CSNK1G3: variants seen among roughly 807,000 people sequenced by gnomAD.
CSNK1G3 encodes the protein casein kinase 1 gamma 3.
In CSNK1G3, 23 loss-of-function variants were observed where a neutral mutation model predicts 64.3. That is an observed-to-expected ratio of 0.36 (90% confidence interval 0.26 to 0.51). The LOEUF (loss-of-function observed/expected upper bound fraction) is 0.51. Among genes scored for constraint, CSNK1G3 ranks in the 20% least tolerant of loss-of-function variants. The pLI is 0.96. For missense variants in CSNK1G3, 357 were observed against 510.5 expected, an observed-to-expected ratio of 0.70 and a Z score of 2.90; for synonymous variants, 158 against 162.2, an observed-to-expected ratio of 0.97 and a Z score of 0.20.
intron 8 of CSNK1G3, among the ~76,000 whole-genome samples, chr5:123,589,248 A>G (rs950078292): frequency 1.3e-5 from 2 of 152,186 alleles, no homozygotes; most frequent in African/African-American, 4.8e-5. Context: ...AATATTATCA[A>G]CATAACAAAA....
chr5:123,573,443 A>G (rs780897570), exon 5 of CSNK1G3: 19 of 1,613,864 alleles, frequency 1.2e-5, no homozygotes, highest in East Asian at 2.2e-5. Flanking sequence ...ATACAATGCT[A>G]TGGTGCTGGA....
At chr5:123,513,452 A>G (rs1580803041) in intron 1 of CSNK1G3, among the ~76,000 whole-genome samples, 1 of 152,014 alleles carries the variant, frequency 6.6e-6, no homozygotes, top group East Asian at 1.9e-4. Context: ...GGAGACAGCT[A>G]CTGTTGATAC....
At chr5:123,592,966 T>G (rs1042206047) in intron 10 of CSNK1G3, among the ~76,000 whole-genome samples, 2 of 151,908 alleles carry the variant, frequency 1.3e-5, no homozygotes, top group Non-Finnish European at 2.9e-5. Flanking sequence ...TTGAATGTAC[T>G]TGGAAGAAGA....
At chr5:123,583,618 C>T (rs1790771712) in intron 6 of CSNK1G3, among the ~76,000 whole-genome samples, 1 of 152,172 alleles carries the variant, frequency 6.6e-6, no homozygotes, top group African/African-American at 2.4e-5. Context: ...CCCGCCTCAG[C>T]CTCCCAAAGT....
rs191663968 is a variant in CSNK1G3 at position 123,558,981 on chromosome 5, T to C, written c.289+1417T>C. 3.3e-3 allele frequency among the ~76,000 whole-genome samples: 500 copies of C among 152,310 alleles called. 5 individuals are homozygous for C. The highest frequency in any genetic ancestry group is 0.012 in the African/African-American group (492 of 41,572). On this transcript the variant is annotated intron_variant, in intron 4 of 12. Transcript: ENST00000345990. Reference sequence around the variant, plus strand: ...ATGAGTATGTGTAAGCTTCACTCTCTAGTTGGCCCTTCTTAAGAGATTCTG... The same window carrying C: ...ATGAGTATGTGTAAGCTTCACTCTCCAGTTGGCCCTTCTTAAGAGATTCTG...
chr5:123,565,370 T>C (rs973237852), intron 4 of CSNK1G3, among the ~76,000 whole-genome samples: 1 of 152,210 alleles, frequency 6.6e-6, no homozygotes, highest in African/African-American at 2.4e-5. Flanking sequence ...AAACTGTTGA[T>C]CTAGGAGTAT....
intron 1 of CSNK1G3, among the ~76,000 whole-genome samples, chr5:123,513,564 A>T (rs1003409270): frequency 6.6e-6 from 1 of 152,230 alleles, no homozygotes; most frequent in African/African-American, 2.4e-5. Flanking sequence ...TTAGAGAATT[A>T]AAAATGTACT....
intron 4 of CSNK1G3, among the ~76,000 whole-genome samples, chr5:123,560,919 A>T (rs1785573657): frequency 6.6e-6 from 1 of 152,150 alleles, no homozygotes; most frequent in Admixed American, 6.6e-5. Context: ...ACAGTAATGT[A>T]AATGTACTTA....
chr5:123,609,858 A>G (rs1796013572), intron 12 of CSNK1G3, among the ~76,000 whole-genome samples: 1 of 152,018 alleles, frequency 6.6e-6, no homozygotes, highest in Admixed American at 6.6e-5. Flanking sequence ...TGTGAACTTA[A>G]TGCTTTAGTC....
At chr5:123,594,388 A>G (rs770174404) in intron 10 of CSNK1G3, among the ~76,000 whole-genome samples, 4 of 152,200 alleles carry the variant, frequency 2.6e-5, no homozygotes, top group Non-Finnish European at 5.9e-5. Flanking sequence ...TGAACCAGAT[A>G]AAAGGAGATC....
intron 1 of CSNK1G3, among the ~76,000 whole-genome samples, chr5:123,519,309 C>T (rs1156956881): frequency 1.3e-5 from 2 of 152,224 alleles, no homozygotes; most frequent in Non-Finnish European, 2.9e-5. Flanking sequence ...CTGCCTCGGT[C>T]TCCCAAAGTG....
At chr5:123,550,631 T>G (rs899002717) in intron 2 of CSNK1G3, among the ~76,000 whole-genome samples, 11 of 152,224 alleles carry the variant, frequency 7.2e-5, no homozygotes, top group African/African-American at 2.7e-4. Context: ...TTGGTAAAAC[T>G]ATATTTTCAA....
chr5:123,574,911 A>G (rs1205992148), intron 5 of CSNK1G3, among the ~76,000 whole-genome samples: 6 of 152,300 alleles, frequency 3.9e-5, no homozygotes, highest in African/African-American at 1.4e-4. Flanking sequence ...TGCTCATATC[A>G]TTAATTAAGA....
At chr5:123,602,046 G>C (rs971492712) in intron 10 of CSNK1G3, among the ~76,000 whole-genome samples, 2 of 152,090 alleles carry the variant, frequency 1.3e-5, no homozygotes, top group African/African-American at 4.8e-5. Context: ...TTTTCAGAGA[G>C]AGAGAGAGAA....
At chr5:123,551,664 G>A (rs1222117681) in intron 2 of CSNK1G3, among the ~76,000 whole-genome samples, 2 of 152,058 alleles carry the variant, frequency 1.3e-5, no homozygotes, top group Admixed American at 6.6e-5. Flanking sequence ...TTTTGCTACT[G>A]TTCATCAGCT....
At chr5:123,598,597 T>C (rs1179614089) in intron 10 of CSNK1G3, among the ~76,000 whole-genome samples, 1 of 151,978 alleles carries the variant, frequency 6.6e-6, no homozygotes, top group African/African-American at 2.4e-5. Flanking sequence ...GAAGACAATA[T>C]GAATAAGGTT....
At chr5:123,556,764 TTG>T (rs5871049) in intron 3 of CSNK1G3, among the ~76,000 whole-genome samples, 33,315 of 148,526 alleles carry the variant, frequency 0.22, 3,856 homozygotes, top group African/African-American at 0.28. Flanking sequence ...CTGTACATGT[TTG>T]TGTGTGTGTG....
intron 12 of CSNK1G3, among the ~76,000 whole-genome samples, chr5:123,608,020 A>G (rs1259183489): frequency 6.6e-6 from 1 of 151,934 alleles, no homozygotes; most frequent in East Asian, 1.9e-4. Context: ...GCCCTGAACT[A>G]TTGGGCTCAA....
chr5:123,579,938 T>TA (rs1199838426), intron 6 of CSNK1G3, among the ~76,000 whole-genome samples: 5 of 151,960 alleles, frequency 3.3e-5, no homozygotes, highest in African/African-American at 1.2e-4. Flanking sequence ...AATTCCTATT[T>TA]AAAAAGTTAA....
Sources: allele counts gnomAD v4.1 joint callset (sites outside exome capture counted in the v4.1 genomes callset), GRCh38; gene constraint gnomAD v4.1.1; transcripts MANE v1.5; gene names NCBI Gene and HGNC (gene_info 2026-07-23, HGNC 2026-07-21).